NDUFB6: variants seen among roughly 807,000 people sequenced by gnomAD.
The protein encoded by NDUFB6 is NADH dehydrogenase [ubiquinone] 1 beta subcomplex subunit 6.
A neutral mutation model predicts 17.5 loss-of-function variants in NDUFB6; 23 were observed. That is an observed-to-expected ratio of 1.31 (90% CI 0.94 to 1.86). NDUFB6 has a LOEUF of 1.86. Among genes scored for constraint, NDUFB6 ranks in the 40% most tolerant of loss-of-function variants. The probability of loss-of-function intolerance (pLI) is 0.00; values close to 1 mark genes in which losing one functional copy is unlikely to be tolerated. For synonymous variants in NDUFB6, 60 were observed against 53.5 expected (o/e 1.12, Z -0.53); for missense variants, 167 against 153.8 (o/e 1.09, Z -0.46).
intron 3 of NDUFB6, among the ~76,000 whole-genome samples, chr9:32,557,803 C>G (rs1390502065): frequency 6.6e-6 from 1 of 152,134 alleles, no homozygotes; most frequent in South Asian, 2.1e-4. Flanking sequence ...CTTAAACCAG[C>G]GTTCCAACTG....
Position 32,553,953 on chromosome 9 carries a change from A to G in NDUFB6, c.319-9T>C. ...TCCAGAATTGTATCACCCTAGGAAAACAAAGATACAGTTAGTACAAAAATC... is the reference window on the plus strand; with the variant it reads ...TCCAGAATTGTATCACCCTAGGAAAGCAAAGATACAGTTAGTACAAAAATC... On this transcript the variant is annotated splice_polypyrimidine_tract_variant and intron_variant, in intron 3 of 3. Coordinates refer to ENST00000379847, the MANE Select transcript of NDUFB6 (RefSeq NM_002493.5). The G allele has an allele frequency of 1.1e-5, 17 of 1,557,546 alleles. No individual in the cohort carries two copies. Among genetic ancestry groups the G allele is most frequent in the Non-Finnish European group, 1.5e-5 (17 of 1,132,544 alleles).
Position 32,572,929 on chromosome 9 carries a change from C to T in NDUFB6, c.132G>A (p.Glu44=), listed in dbSNP as rs1187930442. ...TCTCCAAAAATTTATTCCAGAATTT[C>T]TCCATAGGCCCCATCTTCTGTGGGG... is the stretch of plus-strand genomic sequence containing the variant. ...VLPPQKMGPM[E]KFWNKFLENK... Residue 44 remains glutamate (E), a synonymous_variant, in exon 1 of 4, where the codon GAG becomes GAA. Coordinates refer to ENST00000379847, the MANE Select transcript of NDUFB6 (RefSeq NM_002493.5). The T allele has an allele frequency of 6.2e-7, 1 of 1,605,528 alleles. No individual in the cohort carries two copies. The highest frequency in any genetic ancestry group is 8.5e-7 in the Non-Finnish European group (1 of 1,175,916).
chr9:32,563,769 T>C (rs573749986), intron 2 of NDUFB6, among the ~76,000 whole-genome samples: 3 of 152,372 alleles, frequency 2.0e-5, no homozygotes, highest in East Asian at 1.9e-4. Flanking sequence ...CACTTATTTA[T>C]ATCAGTTTGC....
At chr9:32,572,851 T>TG (rs750656406) in intron 1 of NDUFB6, 30 bp downstream of exon 1, 51 of 1,527,244 alleles carry the variant, frequency 3.3e-5, no homozygotes, top group African/African-American at 6.9e-5. Flanking sequence ...TGGGATGTGT[T>TG]GGGGGGGACC....
rs539102970 is a variant in NDUFB6, at chr9:32,553,199, CT to C, written c.*676del. 0.08 allele frequency: 17,856 copies of C among 222,046 alleles called. 10 individuals carry two copies. Among genetic ancestry groups the C allele is most frequent in the South Asian group, 0.18 (2,614 of 14,270 alleles). The allele number at this position is 222,046 out of a possible 1,614,324, so 13.8% of individuals were successfully genotyped here. On this transcript the variant is annotated 3_prime_UTR_variant, in exon 4 of 4. Transcript: ENST00000379847. The stretch of plus-strand genomic sequence containing the variant: ...AATTCTTCAAAAATGATTCGGAAAG[CT>C]TTTTTTTTTTTTGAGACGGAGTCTT...
intron 2 of NDUFB6, chr9:32,566,816 C>T (rs767510253): frequency 2.3e-6 from 2 of 879,810 alleles, no homozygotes; most frequent in East Asian, 2.7e-5. Flanking sequence ...GCAGTCTCTG[C>T]CTCTGTGGGG....
intron 3 of NDUFB6, among the ~76,000 whole-genome samples, chr9:32,556,895 A>C (rs1343348481): frequency 1.5e-5 from 2 of 136,992 alleles, no homozygotes; most frequent in Non-Finnish European, 3.0e-5. Context: ...TCTGTCGCTA[A>C]GGCTGGAGTG....
At chr9:32,572,153 C>T (rs1821952830) in intron 1 of NDUFB6, among the ~76,000 whole-genome samples, 1 of 152,164 alleles carries the variant, frequency 6.6e-6, no homozygotes, top group Non-Finnish European at 1.5e-5. Flanking sequence ...CCGTGTGTTA[C>T]GTAGTATTGT....
intron 2 of NDUFB6, chr9:32,568,719 T>G (rs1821870882): frequency 6.9e-6 from 1 of 144,296 alleles, no homozygotes; most frequent in African/African-American, 2.8e-5. Flanking sequence ...TATGTATATG[T>G]GTGTGTGTGT....
At chr9:32,572,346 A>C (rs1195126293) in intron 1 of NDUFB6, among the ~76,000 whole-genome samples, 2 of 152,212 alleles carry the variant, frequency 1.3e-5, no homozygotes, top group African/African-American at 2.4e-5. Context: ...TTAAAAGTAC[A>C]GAACGGTAGT....
intron 2 of NDUFB6, among the ~76,000 whole-genome samples, chr9:32,561,383 G>A (rs1378634935): frequency 1.3e-5 from 2 of 151,372 alleles, no homozygotes; most frequent in Non-Finnish European, 2.9e-5. Flanking sequence ...TGGAGAGTGC[G>A]GTGGCCCAAT....
rs771250384 is a variant in NDUFB6 at position 32,571,026 on chromosome 9, G to C, written c.207C>G (p.Ile69Met). 1.2e-6 allele frequency: 2 copies of C among 1,604,548 alleles called. No homozygotes were observed. The highest frequency in any genetic ancestry group is 2.7e-5 in the African/African-American group (2 of 74,478). The change falls in exon 2 of 4, where the codon ATC becomes ATG. Residue 69 changes from isoleucine (I) to methionine (M), a missense_variant. Ile to Met is a conservative substitution (Grantham distance 10). Transcript: ENST00000379847. ...KMVHGVYKKS[I>M]FVFTHVLVPV... The stretch of plus-strand genomic sequence containing the variant: ...GTACAAGTACATGAGTGAAAACAAA[G>C]ATACTCTTTTTGTATACCCCATGGA...
rs148297780 is a variant in NDUFB6, at chr9:32,554,329, C to T, written c.319-385G>A. On this transcript the variant is annotated intron_variant, in intron 3 of 3. Transcript: ENST00000379847. ...GTACCCCCAGCAACTGAATGTGTTA[C>T]GCAATCACCAGTTTTCTGATTGGCT... Among the ~76,000 whole-genome samples the T allele has an allele frequency of 8.5e-5, 13 of 152,302 alleles. No homozygotes were observed. In the South Asian group the frequency reaches 2.3e-3, roughly 27 times the overall value.
chr9:32,563,388 C>A (rs1278853523), intron 2 of NDUFB6, among the ~76,000 whole-genome samples: 1 of 151,176 alleles, frequency 6.6e-6, no homozygotes, highest in East Asian at 1.9e-4. Context: ...CCCAGGATGG[C>A]TGGAGTACAG....
chr9:32,553,151 T>G lies in NDUFB6; in HGVS notation c.*725A>C, dbSNP rs576906633. 6 of 407,906 alleles carry G rather than the reference T, an allele frequency of 1.5e-5. No individual in the cohort carries two copies. The highest frequency in any genetic ancestry group is 4.1e-5 in the African/African-American group (2 of 48,356). 25.3% of individuals were successfully genotyped at this position (407,906 alleles called of 1,614,324 possible). A position where few individuals can be genotyped will look rare whatever the true frequency, so the allele number is the denominator to read the frequency against. ...CTTGAGTGTCAGATCATAGTTGGAATAAGCTTTTCAATCAAGTTTCTAAAT... is the reference window on the plus strand; with the variant it reads ...CTTGAGTGTCAGATCATAGTTGGAAGAAGCTTTTCAATCAAGTTTCTAAAT... On this transcript the variant is annotated 3_prime_UTR_variant, in exon 4 of 4. Transcript: ENST00000379847.
chr9:32,556,265 T>C (rs1156877676), intron 3 of NDUFB6, among the ~76,000 whole-genome samples: 1 of 152,196 alleles, frequency 6.6e-6, no homozygotes, highest in Non-Finnish European at 1.5e-5. Context: ...AGATAATATT[T>C]GGGAAGATGA....
chr9:32,560,426 T>C (rs1821593294), intron 2 of NDUFB6, among the ~76,000 whole-genome samples: 1 of 152,224 alleles, frequency 6.6e-6, no homozygotes, highest in African/African-American at 2.4e-5. Flanking sequence ...AATTTAGATA[T>C]GATAAAGTAA....
At chr9:32,555,298 C>T (rs1821426510) in intron 3 of NDUFB6, among the ~76,000 whole-genome samples, 1 of 152,170 alleles carries the variant, frequency 6.6e-6, no homozygotes, top group Admixed American at 6.5e-5. Context: ...CACACTACTT[C>T]AGAATTCCTA....
At chr9:32,556,228 G>C (rs1368545224) in intron 3 of NDUFB6, among the ~76,000 whole-genome samples, 1 of 152,224 alleles carries the variant, frequency 6.6e-6, no homozygotes, top group African/African-American at 2.4e-5. Flanking sequence ...CCATGAACAG[G>C]GGTCTGGGAA....
Sources: allele counts gnomAD v4.1 joint callset (sites outside exome capture counted in the v4.1 genomes callset), GRCh38; gene constraint gnomAD v4.1.1; transcripts MANE v1.5; gene names NCBI Gene and HGNC (gene_info 2026-07-23, HGNC 2026-07-21).